Variants in KCNIP4 observed in about 807,000 individuals in gnomAD.
The protein encoded by KCNIP4 is potassium voltage-gated channel interacting protein 4.
In KCNIP4, 12 loss-of-function variants were observed where a neutral mutation model predicts 34.0. The observed-to-expected ratio is 0.35, with a 90% confidence interval of 0.23 to 0.57. The LOEUF (loss-of-function observed/expected upper bound fraction) is 0.57, where lower values mean the gene tolerates loss of function less well. Ranked by LOEUF, KCNIP4 falls within the 20% of genes least tolerant of loss-of-function variation. The pLI is 0.83. For missense variants in KCNIP4, 238 were observed against 311.7 expected (o/e 0.76, Z 1.78); for synonymous variants, 124 against 102.2 (o/e 1.21, Z -1.29).
rs556274704 is a variant in KCNIP4 at position 21,310,105 on chromosome 4, T to C, written c.62-427396A>G. On this transcript the variant is annotated intron_variant, in intron 1 of 8. Transcript: ENST00000382152. ...AATGCAGTGGCCCGATCTCAGCTCA[T>C]TGCAACTTCCACCGCCTCCCAGGTT... 2.1e-3 allele frequency among the ~76,000 whole-genome samples: 314 copies of C among 152,260 alleles called. 2 individuals are homozygous for C. The highest frequency in any genetic ancestry group is 3.4e-3 in the Middle Eastern group (1 of 294).
chr4:21,366,604 C>A (rs983590620), intron 1 of KCNIP4, among the ~76,000 whole-genome samples: 1 of 152,074 alleles, frequency 6.6e-6, no homozygotes, highest in Non-Finnish European at 1.5e-5. Context: ...ACATGCTAGC[C>A]CTTGAGCTAG....
At chr4:21,151,620 C>T (rs1368240733) in intron 1 of KCNIP4, among the ~76,000 whole-genome samples, 2 of 151,808 alleles carry the variant, frequency 1.3e-5, no homozygotes, top group Non-Finnish European at 2.9e-5. Flanking sequence ...ATGAGCCCAT[C>T]TAAAACAAAT....
chr4:21,749,326 A>G (rs961385884), intron 1 of KCNIP4, among the ~76,000 whole-genome samples: 2 of 151,930 alleles, frequency 1.3e-5, no homozygotes, highest in African/African-American at 4.8e-5. Flanking sequence ...CCAAAGCTCA[A>G]CTCCCTAGGA....
intron 1 of KCNIP4, among the ~76,000 whole-genome samples, chr4:21,106,344 G>C (rs1748531987): frequency 6.6e-6 from 1 of 151,682 alleles, no homozygotes; most frequent in African/African-American, 2.4e-5. Flanking sequence ...ATGTGTCGAG[G>C]AATTTATCCA....
At chr4:21,130,203 C>T (rs1051534794) in intron 1 of KCNIP4, among the ~76,000 whole-genome samples, 2 of 152,124 alleles carry the variant, frequency 1.3e-5, no homozygotes, top group South Asian at 2.1e-4. Context: ...AGAATCACCT[C>T]GCAAAATTGT....
In KCNIP4 at chr4:21,657,841, ATT is replaced by A. The variant is rs34034617; in HGVS notation, c.61+290728_61+290729del. Among the ~76,000 whole-genome samples the A allele has an allele frequency of 6.7e-3, 970 of 145,280 alleles. 6 individuals are homozygous for A. The highest frequency in any genetic ancestry group is 0.02 in the African/African-American group (808 of 39,924). ...TGTTTTATCAAATGGTTTAAACATAATTTTTTTTTTTTTTTTTGAGACGGAGT... is the reference window on the plus strand; with the variant it reads ...TGTTTTATCAAATGGTTTAAACATAATTTTTTTTTTTTTTTGAGACGGAGT... On this transcript the variant is annotated intron_variant, in intron 1 of 8. Coordinates refer to ENST00000382152, the MANE Select transcript of KCNIP4 (RefSeq NM_025221.6).
chr4:21,000,664 A>G (rs1226071671), intron 1 of KCNIP4, among the ~76,000 whole-genome samples: 2 of 152,134 alleles, frequency 1.3e-5, no homozygotes, highest in Non-Finnish European at 2.9e-5. Flanking sequence ...CAGCCTGTGC[A>G]AAAAGAACAT....
At chr4:21,838,449 C>T (rs1050302902) in intron 1 of KCNIP4, among the ~76,000 whole-genome samples, 8 of 152,156 alleles carry the variant, frequency 5.3e-5, no homozygotes, top group Non-Finnish European at 4.4e-5. Context: ...AATGAGAGTT[C>T]GTGGTCTCAT....
intron 1 of KCNIP4, among the ~76,000 whole-genome samples, chr4:21,353,378 G>T (rs1158092496): frequency 6.6e-6 from 1 of 152,114 alleles, no homozygotes; most frequent in Non-Finnish European, 1.5e-5. Flanking sequence ...CTAACCCATT[G>T]CAAGGAAGGT....
chr4:21,540,864 C>T (rs895231537), intron 1 of KCNIP4, among the ~76,000 whole-genome samples: 2 of 152,010 alleles, frequency 1.3e-5, no homozygotes, highest in African/African-American at 4.8e-5. Context: ...TAAAGCATCA[C>T]TCATGACCAT....
intron 1 of KCNIP4, among the ~76,000 whole-genome samples, chr4:21,134,033 T>C (rs941454516): frequency 9.9e-5 from 15 of 152,216 alleles, no homozygotes; most frequent in South Asian, 6.2e-4. Flanking sequence ...AATTCTTTCT[T>C]ATCTAACCCC....
intron 1 of KCNIP4, among the ~76,000 whole-genome samples, chr4:21,714,786 A>ACTT (rs778595133): frequency 1.9e-4 from 9 of 46,250 alleles, no homozygotes; most frequent in African/African-American, 1.2e-3. Flanking sequence ...TTTCCCTTTG[A>ACTT]TTATTTTATT....
At chr4:21,460,041 A>G (rs1729314249) in intron 1 of KCNIP4, among the ~76,000 whole-genome samples, 1 of 151,680 alleles carries the variant, frequency 6.6e-6, no homozygotes, top group Non-Finnish European at 1.5e-5. Context: ...CATGTCTTTC[A>G]GTCTCAGAGT....
chr4:20,815,737 G>A (rs1183347183), intron 3 of KCNIP4, among the ~76,000 whole-genome samples: 2 of 152,102 alleles, frequency 1.3e-5, no homozygotes, highest in Non-Finnish European at 2.9e-5. Flanking sequence ...CAATATTAAT[G>A]ATAAAAATCA....
chr4:21,102,279 T>A (rs1202934204), intron 1 of KCNIP4, among the ~76,000 whole-genome samples: 1 of 152,198 alleles, frequency 6.6e-6, no homozygotes, highest in Non-Finnish European at 1.5e-5. Context: ...GATCAGTAGA[T>A]GCTCAATAAA....
chr4:21,337,750 G>A (rs907921856), intron 1 of KCNIP4, among the ~76,000 whole-genome samples: 1 of 152,086 alleles, frequency 6.6e-6, no homozygotes, highest in Non-Finnish European at 1.5e-5. Context: ...TTTATTATTG[G>A]TTATAAACAT....
At chr4:21,784,996 T>G (rs1719804571) in intron 1 of KCNIP4, among the ~76,000 whole-genome samples, 1 of 152,328 alleles carries the variant, frequency 6.6e-6, no homozygotes, top group Middle Eastern at 3.4e-3. Flanking sequence ...TATGAAGTTA[T>G]ATTACTGGCT....
At chr4:20,960,556 G>A (rs1465510603) in intron 1 of KCNIP4, among the ~76,000 whole-genome samples, 1 of 152,224 alleles carries the variant, frequency 6.6e-6, no homozygotes, top group African/African-American at 2.4e-5. Context: ...TGCACAGGGA[G>A]TGGGAACTCA....
chr4:20,885,470 C>A (rs1164055899), intron 1 of KCNIP4, among the ~76,000 whole-genome samples: 2 of 152,164 alleles, frequency 1.3e-5, no homozygotes, highest in Non-Finnish European at 2.9e-5. Context: ...TTCCATATCC[C>A]TAGGATTGCA....
Sources: allele counts gnomAD v4.1 joint callset (sites outside exome capture counted in the v4.1 genomes callset), GRCh38; gene constraint gnomAD v4.1.1; transcripts MANE v1.5; gene names NCBI Gene and HGNC (gene_info 2026-07-23, HGNC 2026-07-21).